LRRC7: variants seen among roughly 807,000 people sequenced by gnomAD.
LRRC7 encodes the protein leucine-rich repeat-containing protein 7.
In LRRC7, 23 loss-of-function variants were observed where a neutral mutation model predicts 175.7. That is an observed-to-expected ratio of 0.13 (90% CI 0.09 to 0.19). The LOEUF (loss-of-function observed/expected upper bound fraction) is 0.19. Ranked by LOEUF, LRRC7 falls within the 10% of genes least tolerant of loss-of-function variation. The probability of loss-of-function intolerance (pLI) is 1.00; values close to 1 mark genes in which losing one functional copy is unlikely to be tolerated. For missense variants in LRRC7, 1,354 were observed against 1,904.7 expected (o/e 0.71, Z 5.38); for synonymous variants, 685 against 680.9 (o/e 1.01, Z -0.09).
At chr1:70,025,178 G>T (rs1657954143) in intron 17 of LRRC7, among the ~76,000 whole-genome samples, 1 of 151,610 alleles carries the variant, frequency 6.6e-6, no homozygotes, top group Non-Finnish European at 1.5e-5. Flanking sequence ...GGCAACAGCT[G>T]CTGCAATGGG....
chr1:69,689,519 T>G (rs1246183500), intron 2 of LRRC7, among the ~76,000 whole-genome samples: 1 of 152,164 alleles, frequency 6.6e-6, no homozygotes, highest in Non-Finnish European at 1.5e-5. Flanking sequence ...AAATTATAAG[T>G]TAATATTCAT....
chr1:69,941,260 A>G (rs1338981186), intron 8 of LRRC7, among the ~76,000 whole-genome samples: 1 of 152,142 alleles, frequency 6.6e-6, no homozygotes, highest in Non-Finnish European at 1.5e-5. Flanking sequence ...TATTCTGAGT[A>G]AAATGGGAAG....
intron 7 of LRRC7, among the ~76,000 whole-genome samples, chr1:69,923,990 G>A (rs2101745357): frequency 6.6e-6 from 1 of 152,128 alleles, no homozygotes; most frequent in East Asian, 1.9e-4. Flanking sequence ...TAAGGTGTAA[G>A]GAAGGGATCC....
intron 22 of LRRC7, among the ~76,000 whole-genome samples, chr1:70,050,976 G>A (rs1457070621): frequency 6.6e-6 from 1 of 151,932 alleles, no homozygotes; most frequent in Non-Finnish European, 1.5e-5. Flanking sequence ...TCTTTTTAAT[G>A]TGTCTGCATG....
At chr1:69,889,780 T>G (rs1390232382) in intron 7 of LRRC7, among the ~76,000 whole-genome samples, 3 of 152,006 alleles carry the variant, frequency 2.0e-5, no homozygotes, top group Admixed American at 6.6e-5. Flanking sequence ...CACTCCAGCC[T>G]GGAAGACAGA....
intron 7 of LRRC7, among the ~76,000 whole-genome samples, chr1:69,881,726 C>A (rs199836564): frequency 2.5e-4 from 37 of 148,944 alleles, no homozygotes; most frequent in African/African-American, 8.4e-4. Context: ...AAAAAAAAAA[C>A]AAAATTAACC....
intron 8 of LRRC7, among the ~76,000 whole-genome samples, chr1:69,947,665 C>T (rs946067990): frequency 4.6e-5 from 7 of 151,888 alleles, no homozygotes; most frequent in African/African-American, 1.7e-4. Flanking sequence ...CTGTACCAGG[C>T]TTAACAATGG....
intron 7 of LRRC7, among the ~76,000 whole-genome samples, chr1:69,860,442 A>AT (rs1684238790): frequency 6.6e-6 from 1 of 152,018 alleles, no homozygotes; most frequent in African/African-American, 2.4e-5. Context: ...AAGGTGGATT[A>AT]GGGATTCAAA....
intron 1 of LRRC7, among the ~76,000 whole-genome samples, chr1:69,669,645 A>G (rs187265687): frequency 6.6e-6 from 1 of 152,300 alleles, no homozygotes; most frequent in African/African-American, 2.4e-5. Flanking sequence ...ATTATCCTTT[A>G]AAATAAAATT....
intron 2 of LRRC7, among the ~76,000 whole-genome samples, chr1:69,735,895 A>G (rs1668061277): frequency 6.6e-6 from 1 of 150,610 alleles, no homozygotes; most frequent in Non-Finnish European, 1.5e-5. Context: ...CTCTCCCCCT[A>G]CCACCCCACA....
chr1:70,064,022 G>A (rs938148493), intron 23 of LRRC7, among the ~76,000 whole-genome samples: 2 of 151,996 alleles, frequency 1.3e-5, no homozygotes, highest in Non-Finnish European at 2.9e-5. Context: ...TGGAGACACT[G>A]AAGTATATTA....
At chr1:69,979,952 C>T (rs1334647475) in intron 8 of LRRC7, among the ~76,000 whole-genome samples, 1 of 151,898 alleles carries the variant, frequency 6.6e-6, no homozygotes, top group Non-Finnish European at 1.5e-5. Context: ...GGCGCTAATA[C>T]ACACACAGTA....
chr1:69,932,660 T>A (rs1036183042), intron 8 of LRRC7, among the ~76,000 whole-genome samples: 3 of 152,230 alleles, frequency 2.0e-5, no homozygotes, highest in Admixed American at 6.5e-5. Flanking sequence ...TTAATATGAT[T>A]TAAGAAGTTA....
At chr1:70,035,087 A>C (rs1659165552) in intron 18 of LRRC7, among the ~76,000 whole-genome samples, 1 of 152,190 alleles carries the variant, frequency 6.6e-6, no homozygotes, top group African/African-American at 2.4e-5. Context: ...TTAACAAAAT[A>C]TTTCTAAATA....
intron 13 of LRRC7, among the ~76,000 whole-genome samples, chr1:70,014,549 T>C (rs910086872): frequency 5.3e-5 from 8 of 152,020 alleles, no homozygotes; most frequent in Non-Finnish European, 8.8e-5. Context: ...AATTACTATT[T>C]TTAAATTAAT....
intron 1 of LRRC7, among the ~76,000 whole-genome samples, chr1:69,637,257 G>T (rs1362841512): frequency 6.6e-6 from 1 of 151,820 alleles, no homozygotes; most frequent in African/African-American, 2.4e-5. Flanking sequence ...AAATTTAGGT[G>T]GTTTTCTAAT....
intron 22 of LRRC7, among the ~76,000 whole-genome samples, chr1:70,048,884 C>T (rs1158123627): frequency 6.6e-6 from 1 of 152,114 alleles, no homozygotes; most frequent in African/African-American, 2.4e-5. Flanking sequence ...ATCCAGGCTA[C>T]TGCAGCCCTA....
chr1:70,000,662 T>C (rs1199942202), intron 11 of LRRC7, among the ~76,000 whole-genome samples: 1 of 152,184 alleles, frequency 6.6e-6, no homozygotes, highest in African/African-American at 2.4e-5. Flanking sequence ...TGTTGTTACC[T>C]CTACCTGAAA....
At chr1:69,896,928 C>T (rs1335967341) in intron 7 of LRRC7, among the ~76,000 whole-genome samples, 1 of 152,112 alleles carries the variant, frequency 6.6e-6, no homozygotes, top group Non-Finnish European at 1.5e-5. Flanking sequence ...TTGACTTCTA[C>T]TAGAGCCTTC....
Sources: gnomAD v4.1 joint callset for allele counts (sites outside exome capture counted in the v4.1 genomes callset) on GRCh38, gnomAD v4.1.1 for gene constraint, MANE v1.5 for transcripts, NCBI Gene and HGNC (gene_info 2026-07-23, HGNC 2026-07-21) for gene names.